The following SART1 variants were observed in gnomAD, a reference collection of about 807,000 sequenced individuals.
SART1 encodes U4/U6.U5 tri-snRNP-associated protein 1.
SART1 carries 28 observed loss-of-function variants against 105.0 expected under a neutral mutation model. The observed-to-expected ratio is 0.27, with a 90% CI of 0.20 to 0.37. The LOEUF (loss-of-function observed/expected upper bound fraction) is 0.37, where lower values mean the gene tolerates loss of function less well. Among genes scored for constraint, SART1 ranks in the 10% least tolerant of loss-of-function variants. SART1 has a pLI of 1.00. For synonymous variants in SART1, 472 were observed against 462.9 expected (o/e 1.02, Z -0.25); for missense variants, 894 against 1,106.5 (o/e 0.81, Z 2.72).
Position 65,978,254 on chromosome 11 carries a change from C to T in SART1, c.2173-346C>T. The T allele has an allele frequency of 2.0e-6, 1 of 501,308 alleles. No individual in the cohort carries two copies. Among genetic ancestry groups the T allele is most frequent in the Non-Finnish European group, 3.6e-6 (1 of 276,974 alleles). 31.1% of individuals were successfully genotyped at this position (501,308 alleles called of 1,614,324 possible). On this transcript the variant is annotated intron_variant, in intron 17 of 19. Transcript: ENST00000312397. This position sits in a 1 kb window ranked among gnomAD's most constrained non-coding sequence, Gnocchi z 6.8. ...CCAGCACTCTCGTAGGCCGCCCGAC[C>T]GTCCTGCCCTACCACTCAGCTGCCC... is the stretch of plus-strand genomic sequence containing the variant.
At chr11:65,964,904 G>A (rs2134903590) in intron 3 of SART1, 188 bp from the exon 4 acceptor site, 1 of 704,002 alleles carries the variant, frequency 1.4e-6, no homozygotes, top group East Asian at 3.0e-5. Context: ...AGCCACAGAG[G>A]GTCCTGTTGT....
chr11:65,967,654 C>T (rs1855287713), intron 11 of SART1, 25 bp from the exon 12 acceptor site: 2 of 1,586,120 alleles, frequency 1.3e-6, no homozygotes, highest in African/African-American at 1.3e-5. Flanking sequence ...ATGGTCTGAG[C>T]AGGCATCCCC....
In SART1 at chr11:65,978,348, G is replaced by A. The variant is rs895352744; in HGVS notation, c.2173-252G>A. The A allele has an allele frequency of 1.6e-5, 9 of 548,942 alleles. No homozygotes were observed. The highest frequency in any genetic ancestry group is 1.1e-4 in the African/African-American group (6 of 52,700). The allele number at this position is 548,942 out of a possible 1,614,324, so 34.0% of individuals were successfully genotyped here. A position where few individuals can be genotyped will look rare whatever the true frequency, so the allele number is the denominator to read the frequency against. ...CCCAGCGTCCAGGCCCAGCCCCTGC[G>A]TGGCAGGTCTCCAGGTTCCCCATGC... On this transcript the variant is annotated intron_variant, in intron 17 of 19. Transcript: ENST00000312397. This position sits in a 1 kb window ranked among gnomAD's most constrained non-coding sequence, Gnocchi z 6.8.
intron 12 of SART1, among the ~76,000 whole-genome samples, chr11:65,968,735 G>A (rs1439237387): frequency 1.3e-5 from 2 of 152,156 alleles, no homozygotes; most frequent in Non-Finnish European, 2.9e-5. Flanking sequence ...GAGTGCCTGA[G>A]GGCCAGGGAG....
intron 12 of SART1, among the ~76,000 whole-genome samples, chr11:65,968,589 C>G (rs912224881): frequency 2.0e-5 from 3 of 152,170 alleles, no homozygotes; most frequent in Non-Finnish European, 2.9e-5. Flanking sequence ...GAAGACCTTT[C>G]CAAGGTACTA....
chr11:65,964,335 C>A, intron 2 of SART1, 180 bp from the exon 3 acceptor site: 1 of 847,446 alleles, frequency 1.2e-6, no homozygotes, highest in Non-Finnish European at 1.9e-6. Flanking sequence ...GCAGACCAGG[C>A]TGGTGCCCAT....
At chr11:65,965,265 A>G in intron 4 of SART1, 47 bp downstream of exon 4, 1 of 1,607,750 alleles carries the variant, frequency 6.2e-7, no homozygotes, top group Non-Finnish European at 8.5e-7. Flanking sequence ...TGGGGAGGCC[A>G]CCATCCTTGG....
In SART1 at chr11:65,965,869, C is replaced by T. The variant is rs777502958; in HGVS notation, c.739-18C>T. The T allele has an allele frequency of 1.7e-5, 27 of 1,613,656 alleles. No individual in the cohort carries two copies. Among genetic ancestry groups the T allele is most frequent in the East Asian group, 2.2e-5 (1 of 44,890 alleles). The stretch of plus-strand genomic sequence containing the variant: ...GGTGCGTGGAGGGAGGTTCCTGACT[C>T]GCCGATTCTTCCCTTAGGACCTGTA... On this transcript the variant is annotated intron_variant, in intron 6 of 19. Transcript: ENST00000312397.
chr11:65,979,665 G>A lies in SART1; in HGVS notation c.*635G>A, dbSNP rs950962381. 6.6e-6 allele frequency: 1 copy of A among 152,302 alleles called. No homozygotes were observed. The highest frequency in any genetic ancestry group is 1.5e-5 in the Non-Finnish European group (1 of 68,186). 9.4% of individuals were successfully genotyped at this position (152,302 alleles called of 1,614,324 possible). On this transcript the variant is annotated 3_prime_UTR_variant, in exon 20 of 20. Coordinates refer to ENST00000312397, the MANE Select transcript of SART1 (RefSeq NM_005146.5). ...GTGACTGAGCTGCTGGGGGACATGT[G>A]AGCCTCAAATCCATAGAAAGACAAA... is the stretch of plus-strand genomic sequence containing the variant.
At chr11:65,975,188 C>T (rs1855457681) in intron 12 of SART1, among the ~76,000 whole-genome samples, 1 of 149,630 alleles carries the variant, frequency 6.7e-6, no homozygotes, top group Non-Finnish European at 1.5e-5. Context: ...ACCATAGCCT[C>T]GGCCTCCAGG....
In SART1 at chr11:65,961,798, G is replaced by T; in HGVS notation, c.18G>T (p.Lys6Asn). 6.5e-7 allele frequency: 1 copy of T among 1,550,024 alleles called. No individual in the cohort carries two copies. The highest frequency in any genetic ancestry group is 8.7e-7 in the Non-Finnish European group (1 of 1,155,208). The change falls in exon 1 of 20, where the codon AAG becomes AAT. Residue 6 changes from lysine to asparagine, a missense_variant. This residue lies in a region of SART1 where 712 missense variants were observed against 778.2 expected (regional missense o/e 0.91). Coordinates refer to ENST00000312397, the MANE Select transcript of SART1 (RefSeq NM_005146.5). ...GTGCCACTATGGGGTCGTCCAAGAA[G>T]CATCGCGGAGAGAAGGAGGCGGCCG... The part of the protein sequence containing the change: MGSSK[K>N]HRGEKEAAGT...
Position 65,967,352 on chromosome 11 carries a change from G to C in SART1, c.1282G>C (p.Asp428His). The C allele has an allele frequency of 1.2e-6, 2 of 1,614,150 alleles. No individual in the cohort carries two copies. The highest frequency in any genetic ancestry group is 1.7e-6 in the Non-Finnish European group (2 of 1,180,020). ...GGCAGATGACTTGCTGCCTCTCGGG[G>C]ACCAGACTCAGGATGGGGACTTTGG... ...VRADDLLPLG[D>H]QTQDGDFGSR... Residue 428 changes from aspartate to histidine, a missense_variant, in exon 10 of 20, where the codon GAC becomes CAC. Physicochemically the swap from Asp to His is moderately conservative, Grantham distance 81. Transcript: ENST00000312397.
Position 65,961,995 on chromosome 11 carries a change from C to G in SART1, c.215C>G (p.Ala72Gly). The G allele has an allele frequency of 6.6e-7, 1 of 1,519,150 alleles. No individual in the cohort carries two copies. The highest frequency in any genetic ancestry group is 8.8e-7 in the Non-Finnish European group (1 of 1,137,396). 94.1% of individuals were successfully genotyped at this position (1,519,150 alleles called of 1,614,324 possible). ...GGGAGCGGGCGGCGCGGGGCCGAAG[C>G]TGAGGCCCGGAGCAGCACGCACGGG... ...ERGSGRRGAE[A>G]EARSSTHGRE... The change falls in exon 1 of 20, where the codon GCT (alanine) becomes GGT (glycine). Residue 72 changes from alanine (A) to glycine (G), a missense_variant. By Grantham distance (60) the Ala-to-Gly change is moderately conservative (BLOSUM62 0). Coordinates refer to ENST00000312397, the MANE Select transcript of SART1 (RefSeq NM_005146.5).
In SART1 at chr11:65,978,383, A is replaced by G; in HGVS notation, c.2173-217A>G. 3.4e-6 allele frequency: 2 copies of G among 580,366 alleles called. No homozygotes were observed. The highest frequency in any genetic ancestry group is 2.0e-5 in the South Asian group (1 of 50,908). The allele number at this position is 580,366 out of a possible 1,614,324, so 36.0% of individuals were successfully genotyped here. Reference sequence around the variant, plus strand: ...TCCAGGTTCCCCATGCTCTGCCCCCATGGCAGCGCATCCACTAGCCAAGCT... The same window carrying G: ...TCCAGGTTCCCCATGCTCTGCCCCCGTGGCAGCGCATCCACTAGCCAAGCT... On this transcript the variant is annotated intron_variant, in intron 17 of 19. Transcript: ENST00000312397. This position sits in a 1 kb window ranked among gnomAD's most constrained non-coding sequence, Gnocchi z 6.8.
intron 9 of SART1, 110 bp downstream of exon 9, chr11:65,966,666 C>T (rs987834729): frequency 2.8e-5 from 36 of 1,267,520 alleles, no homozygotes; most frequent in Non-Finnish European, 3.5e-5. Context: ...GTTCACAAAG[C>T]GCTTGGCCTC....
intron 8 of SART1, 38 bp from the exon 9 acceptor site, chr11:65,966,312 G>A (rs1013732740): frequency 1.2e-6 from 2 of 1,613,878 alleles, no homozygotes; most frequent in Non-Finnish European, 1.7e-6. Context: ...CTTTTCAGGA[G>A]CCAGCCTGGG....
Position 65,979,744 on chromosome 11 carries a change from A to G in SART1, c.*714A>G, listed in dbSNP as rs547361658. 1 of 152,294 alleles carries G rather than the reference A, an allele frequency of 6.6e-6. No individual in the cohort carries two copies. Among genetic ancestry groups the G allele is most frequent in the Admixed American group, 6.5e-5 (1 of 15,294 alleles). The allele number at this position is 152,294 out of a possible 1,614,324, so 9.4% of individuals were successfully genotyped here. On this transcript the variant is annotated 3_prime_UTR_variant, in exon 20 of 20. Transcript: ENST00000312397. The stretch of plus-strand genomic sequence containing the variant: ...TGCCTGGCCCCACGTACACCCACAT[A>G]CTTCTCAGATGGCTCCCACATTTTA...
At chr11:65,970,148 T>G (rs867010517) in intron 12 of SART1, among the ~76,000 whole-genome samples, 1 of 152,128 alleles carries the variant, frequency 6.6e-6, no homozygotes, top group Non-Finnish European at 1.5e-5. Context: ...TTACAGTTCT[T>G]TTCTTTCTCT....
chr11:65,975,279 T>G (rs981205280), intron 12 of SART1, among the ~76,000 whole-genome samples: 7 of 151,998 alleles, frequency 4.6e-5, no homozygotes, highest in Middle Eastern at 3.4e-3. Flanking sequence ...ATCTTTGTGT[T>G]TTTTGTAGAG....
Sources: allele counts gnomAD v4.1 joint callset (sites outside exome capture counted in the v4.1 genomes callset), GRCh38; gene constraint gnomAD v4.1.1; regional missense constraint gnomAD v4.1.1; non-coding constraint Gnocchi (gnomAD v3.1); transcripts MANE v1.5; gene names NCBI Gene and HGNC (gene_info 2026-07-23, HGNC 2026-07-21).